The following LRRCC1 variants were observed in gnomAD, a reference collection of about 807,000 sequenced individuals.
LRRCC1 encodes the protein leucine-rich repeat and coiled-coil domain-containing protein 1.
LRRCC1 carries 115 observed loss-of-function variants against 126.0 expected under a neutral mutation model. That is an observed-to-expected ratio of 0.91 (90% confidence interval 0.78 to 1.07). The LOEUF (loss-of-function observed/expected upper bound fraction) is 1.07, where lower values mean the gene tolerates loss of function less well. Ranked by LOEUF, LRRCC1 falls within the 50% of genes least tolerant of loss-of-function variation. The pLI, the probability that LRRCC1 is intolerant of heterozygous loss-of-function variation, is 0.00. For synonymous variants in LRRCC1, 400 were observed against 393.4 expected, an observed-to-expected ratio of 1.02 and a Z score of -0.20; for missense variants, 1,172 against 1,175.7, an observed-to-expected ratio of 1.00 and a Z score of 0.05.
At chr8:85,142,482 A>T (rs1367612607) in intron 18 of LRRCC1, among the ~76,000 whole-genome samples, 1 of 152,152 alleles carries the variant, frequency 6.6e-6, no homozygotes, top group East Asian at 1.9e-4. Flanking sequence ...AAAACTAGAG[A>T]TGCAGAAATC....
rs753937413 is a variant in LRRCC1 at position 85,126,664 on chromosome 8, A to G, written c.1273-25A>G. On this transcript the variant is annotated intron_variant, in intron 8 of 18. Coordinates refer to ENST00000360375, the MANE Select transcript of LRRCC1 (RefSeq NM_033402.5). The stretch of plus-strand genomic sequence containing the variant: ...GAAGTTAGGTAACTTTTCTAAGTTC[A>G]CATAACTTTGTTGTTTTCTTTCAGT... 4.4e-6 allele frequency: 7 copies of G among 1,597,036 alleles called. No homozygotes were observed. The South Asian group carries it at 7.8e-5, about 18-fold the overall frequency.
chr8:85,144,845 C>T (rs764405731), intron 18 of LRRCC1, among the ~76,000 whole-genome samples: 2 of 145,924 alleles, frequency 1.4e-5, no homozygotes, highest in African/African-American at 2.5e-5. Context: ...CCGAGGTGGG[C>T]GGATCATGAG....
Position 85,126,817 on chromosome 8 carries a change from G to A in LRRCC1, c.1401G>A (p.Leu467=). ...HANEKEDIHS[L]ALLTTDRLKE... Reference sequence around the variant, plus strand: ...ATGAAAAAGAGGATATTCATAGTCTGGCTCTACTTACCACAGATAGGTAAA... The same window carrying A: ...ATGAAAAAGAGGATATTCATAGTCTAGCTCTACTTACCACAGATAGGTAAA... Residue 467 remains leucine, a synonymous_variant, in exon 9 of 19, where the codon CTG becomes CTA. Transcript: ENST00000360375. 6.2e-7 allele frequency: 1 copy of A among 1,611,262 alleles called. No homozygotes were observed.
chr8:85,143,323 A>G (rs959669817), intron 18 of LRRCC1, among the ~76,000 whole-genome samples: 1 of 147,466 alleles, frequency 6.8e-6, no homozygotes, highest in African/African-American at 2.5e-5. Flanking sequence ...CTCTGTCTCA[A>G]AAAAAAAAAA....
Position 85,138,446 on chromosome 8 carries a change from GGAAA to G in LRRCC1, c.2814_2817del (p.Arg939ThrfsTer36). On this transcript the variant is annotated frameshift_variant, in exon 17 of 19. Transcript: ENST00000360375. LOFTEE classifies it high-confidence loss of function. ...AAAACAAGGAAAAGAAACTTAAAGC[GGAAA>G]GAGACAAAAGTATTGAACTACAAAA... 1 of 1,611,694 alleles carries G rather than the reference GGAAA, an allele frequency of 6.2e-7. No individual in the cohort carries two copies. The highest frequency in any genetic ancestry group is 1.3e-5 in the African/African-American group (1 of 74,768).
intron 6 of LRRCC1, among the ~76,000 whole-genome samples, chr8:85,118,929 T>C (rs763999744): frequency 6.6e-6 from 1 of 152,144 alleles, no homozygotes; most frequent in South Asian, 2.1e-4. Context: ...TTAAAAACTT[T>C]TGTGCATACC....
intron 11 of LRRCC1, 82 bp downstream of exon 11, chr8:85,130,140 T>TC (rs1302892685): frequency 9.6e-7 from 1 of 1,036,896 alleles, no homozygotes; most frequent in East Asian, 3.0e-5. Flanking sequence ...CCAGTATTTT[T>TC]TTTTTTTTTT....
intron 5 of LRRCC1, 38 bp downstream of exon 5, chr8:85,115,313 A>G: frequency 1.9e-6 from 3 of 1,564,416 alleles, no homozygotes; most frequent in Non-Finnish European, 2.6e-6. Context: ...TATAAAAAAT[A>G]CCTTCAAATT....
chr8:85,108,802 A>G (rs918583132), intron 1 of LRRCC1: 4 of 152,188 alleles, frequency 2.6e-5, no homozygotes, highest in South Asian at 2.1e-4. Flanking sequence ...TCCTGGGTGT[A>G]TCTCCCATCT....
chr8:85,123,509 T>C lies in LRRCC1; in HGVS notation c.1027T>C (p.Cys343Arg). The change falls in exon 7 of 19, where the codon TGC (cysteine) becomes CGC (arginine). Residue 343 changes from cysteine to arginine, a missense_variant. Physicochemically the swap from Cys to Arg is radical, Grantham distance 180 (BLOSUM62 -3). Transcript: ENST00000360375. ...AAGTGACTATGGAAACAGAAAAGAA[T>C]GCAATAGAAAAGTTCCTCGAAGATC... ...SESDYGNRKE[C>R]NRKVPRRSKI... 1 of 1,611,412 alleles carries C rather than the reference T, an allele frequency of 6.2e-7. No individual in the cohort carries two copies.
intron 6 of LRRCC1, among the ~76,000 whole-genome samples, chr8:85,117,307 C>T (rs935069686): frequency 1.3e-5 from 2 of 152,186 alleles, no homozygotes; most frequent in African/African-American, 4.8e-5. Context: ...TCATGCTTCT[C>T]ACTTATGGTG....
rs775952485 is a variant in LRRCC1 at position 85,126,766 on chromosome 8, T to C, written c.1350T>C (p.Tyr450=). 6.8e-6 allele frequency: 11 copies of C among 1,612,656 alleles called. No individual in the cohort carries two copies. The South Asian group carries it at 9.9e-5, about 14-fold the overall frequency. ...AEQAENKLMD[Y]IDELHKHANE... ...AAGCCGAAAATAAACTCATGGATTA[T>C]ATTGATGAGCTGCATAAACATGCAA... is the stretch of plus-strand genomic sequence containing the variant. Residue 450 remains tyrosine, a synonymous_variant, in exon 9 of 19, where the codon TAT becomes TAC. Transcript: ENST00000360375.
intron 12 of LRRCC1, among the ~76,000 whole-genome samples, chr8:85,132,173 G>A (rs1310391759): frequency 6.6e-6 from 1 of 152,104 alleles, no homozygotes; most frequent in Non-Finnish European, 1.5e-5. Flanking sequence ...AAATGTTATA[G>A]AGCACTGGAA....
intron 3 of LRRCC1, among the ~76,000 whole-genome samples, chr8:85,111,799 T>A (rs867773237): frequency 1.3e-5 from 2 of 151,996 alleles, no homozygotes; most frequent in Non-Finnish European, 2.9e-5. Context: ...GCTGGTGAGA[T>A]TGTGAAGCAG....
In LRRCC1 at chr8:85,137,628, G is replaced by T; in HGVS notation, c.2493+1G>T. 1 of 1,434,514 alleles carries T rather than the reference G, an allele frequency of 7.0e-7. No individual in the cohort carries two copies. Among genetic ancestry groups the T allele is most frequent in the Non-Finnish European group, 9.2e-7 (1 of 1,092,528 alleles). 88.9% of individuals were successfully genotyped at this position (1,434,514 alleles called of 1,614,324 possible). A position where few individuals can be genotyped will look rare whatever the true frequency, so the allele number is the denominator to read the frequency against. On this transcript the variant is annotated splice_donor_variant, in intron 15 of 18. Transcript: ENST00000360375. LOFTEE classifies it high-confidence loss of function. ...TGAAACTATTAGAAAATTAAAAGAT[G>T]TAAGTTTGACATTTTATTTTGGTTA...
chr8:85,138,574 A>C, intron 17 of LRRCC1, 99 bp downstream of exon 17: 1 of 1,215,016 alleles, frequency 8.2e-7, no homozygotes, highest in South Asian at 1.6e-5. Context: ...AAATCATGTA[A>C]GACATAGTTA....
At chr8:85,118,469 G>T (rs1301709757) in intron 6 of LRRCC1, among the ~76,000 whole-genome samples, 1 of 151,952 alleles carries the variant, frequency 6.6e-6, no homozygotes, top group African/African-American at 2.4e-5. Context: ...TTTCAAAGTG[G>T]TTATTCTATT....
In LRRCC1 at chr8:85,116,125, G is replaced by T. The variant is rs569190430; in HGVS notation, c.930+541G>T. On this transcript the variant is annotated intron_variant, in intron 6 of 18. Transcript: ENST00000360375. ...ACTGAATCTCTAGTTTTTAGAATCT[G>T]TGAACTATGTGTATGAACTACAATT... 5.3e-5 allele frequency among the ~76,000 whole-genome samples: 8 copies of T among 152,232 alleles called. No homozygotes were observed. The South Asian group carries it at 1.5e-3, about 28-fold the overall frequency.
At chr8:85,115,646 G>A in intron 6 of LRRCC1, 62 bp downstream of exon 6, 2 of 1,246,520 alleles carry the variant, frequency 1.6e-6, no homozygotes, top group Non-Finnish European at 2.2e-6. Flanking sequence ...TTAAGAAAAT[G>A]TAAAATAAAA....
Sources: allele counts gnomAD v4.1 joint callset (sites outside exome capture counted in the v4.1 genomes callset), GRCh38; gene constraint gnomAD v4.1.1; transcripts MANE v1.5; gene names NCBI Gene and HGNC (gene_info 2026-07-23, HGNC 2026-07-21).